The following NYAP2 variants were observed in gnomAD, a reference collection of about 807,000 sequenced individuals.
NYAP2 encodes neuronal tyrosine-phosphorylated phosphoinositide-3-kinase adaptor 2, also known as neuronal tyrosine-phosphorylated phosphoinositide-3-kinase adapter 2.
A neutral mutation model predicts 50.4 loss-of-function variants in NYAP2; 23 were observed. The ratio of observed to expected loss-of-function variants is 0.46; its 90% CI spans 0.33 to 0.65. The LOEUF (loss-of-function observed/expected upper bound fraction) is 0.65, where lower values mean the gene tolerates loss of function less well. Ranked by LOEUF, NYAP2 falls within the 30% of genes least tolerant of loss-of-function variation. The pLI is 0.02. For synonymous variants in NYAP2, 394 were observed against 365.2 expected, an observed-to-expected ratio of 1.08 and a Z score of -0.90; for missense variants, 885 against 861.0, an observed-to-expected ratio of 1.03 and a Z score of -0.35.
intron 4 of NYAP2, among the ~76,000 whole-genome samples, chr2:225,515,680 T>C (rs1432068891): frequency 6.6e-6 from 1 of 152,228 alleles, no homozygotes; most frequent in Non-Finnish European, 1.5e-5. Context: ...ATTTTAAATG[T>C]GGTTCATAGG....
the NYAP2 span, among the ~76,000 whole-genome samples, chr2:225,661,094 C>T: frequency 3.3e-5 from 5 of 152,130 alleles, no homozygotes; most frequent in Non-Finnish European, 7.4e-5. Flanking sequence ...TGGAAAAATT[C>T]CTTCTTGATT....
At chr2:225,666,905 T>C in the NYAP2 span, among the ~76,000 whole-genome samples, 4 of 140,488 alleles carry the variant, frequency 2.8e-5, no homozygotes, top group Non-Finnish European at 6.0e-5. Context: ...CATTTCAAAA[T>C]ACAGCAAAGA....
At chr2:225,604,170 G>A (rs1162740604) in intron 5 of NYAP2, among the ~76,000 whole-genome samples, 1 of 152,010 alleles carries the variant, frequency 6.6e-6, no homozygotes, top group Admixed American at 6.6e-5. Context: ...GAAGAAAAGA[G>A]GATGACAAGA....
At chr2:225,690,720 A>G in the NYAP2 span, among the ~76,000 whole-genome samples, 1 of 152,064 alleles carries the variant, frequency 6.6e-6, no homozygotes, top group Non-Finnish European at 1.5e-5. Flanking sequence ...GAATAGAGAA[A>G]TTTTCTAAAT....
At chr2:225,407,260 T>C (rs1426545225) in intron 2 of NYAP2, among the ~76,000 whole-genome samples, 1 of 152,072 alleles carries the variant, frequency 6.6e-6, no homozygotes, top group Non-Finnish European at 1.5e-5. Context: ...ATGTCCATCA[T>C]GTAAGCATCT....
At chr2:225,657,343 C>CTCGT (rs1693845379), downstream of NYAP2, among the ~76,000 whole-genome samples, 1 of 151,620 alleles carries the variant, frequency 6.6e-6, no homozygotes, top group Non-Finnish European at 1.5e-5. Flanking sequence ...AACTTCTGAC[C>CTCGT]TCGTGATCCA....
At chr2:225,649,968 A>G (rs557646128) in intron 6 of NYAP2, among the ~76,000 whole-genome samples, 5 of 152,202 alleles carry the variant, frequency 3.3e-5, no homozygotes, top group Non-Finnish European at 7.3e-5. Context: ...AAGTACAGAG[A>G]AAACACTATT....
At chr2:225,439,936 AG>A (rs1689444199) in intron 3 of NYAP2, among the ~76,000 whole-genome samples, 1 of 152,190 alleles carries the variant, frequency 6.6e-6, no homozygotes, top group South Asian at 2.1e-4. Flanking sequence ...AATCATGGGG[AG>A]GCACCTCTTC....
At chr2:225,633,324 A>C (rs1869604) in intron 6 of NYAP2, among the ~76,000 whole-genome samples, 5,430 of 152,290 alleles carry the variant, frequency 0.036, 132 homozygotes, top group Admixed American at 0.06. Flanking sequence ...GGGAAGGATC[A>C]GCTATATTAT....
At position 225,513,692 on chromosome 2, in the gene NYAP2, T is replaced by C; in HGVS notation, c.523+20T>C. ...CTGAAGGTAAAACACGCCATGTCCA[T>C]GTCACCTAGAAATCTCTTTCAGATA... On this transcript the variant is annotated intron_variant, in intron 4 of 6. Transcript: ENST00000636099. 6.7e-7 allele frequency: 1 copy of C among 1,487,216 alleles called. No individual in the cohort carries two copies. The allele number at this position is 1,487,216 out of a possible 1,614,324, so 92.1% of individuals were successfully genotyped here. A position where few individuals can be genotyped will look rare whatever the true frequency, so the allele number is the denominator to read the frequency against.
intron 1 of NYAP2, 103 bp downstream of exon 1, chr2:225,400,358 C>CAGGG (rs1262122915): frequency 2.6e-5 from 3 of 114,540 alleles, no homozygotes; most frequent in Admixed American, 9.6e-5. Context: ...GAGTCAGGGG[C>CAGGG]AGGGAGGGAG....
chr2:225,456,095 C>T (rs770738296), intron 3 of NYAP2, among the ~76,000 whole-genome samples: 1 of 152,188 alleles, frequency 6.6e-6, no homozygotes, highest in Admixed American at 6.5e-5. Context: ...TTTATTGCTG[C>T]AGTTCTCAGA....
At chr2:225,556,348 T>G (rs1407440825) in intron 4 of NYAP2, among the ~76,000 whole-genome samples, 11 of 152,214 alleles carry the variant, frequency 7.2e-5, no homozygotes, top group African/African-American at 2.7e-4. Flanking sequence ...ATGTTAAACA[T>G]ATTACATAGG....
intron 3 of NYAP2, among the ~76,000 whole-genome samples, chr2:225,454,360 A>C (rs1689702334): frequency 6.6e-6 from 1 of 152,160 alleles, no homozygotes; most frequent in South Asian, 2.1e-4. Flanking sequence ...AAAACAAAAA[A>C]CTTTAAAAAA....
intron 3 of NYAP2, among the ~76,000 whole-genome samples, chr2:225,433,003 G>C (rs1421622398): frequency 6.6e-6 from 1 of 152,114 alleles, no homozygotes. Context: ...ACTATGCCTA[G>C]CTGTAAGGGA....
At chr2:225,648,067 C>T (rs977885184) in intron 6 of NYAP2, among the ~76,000 whole-genome samples, 4 of 152,150 alleles carry the variant, frequency 2.6e-5, no homozygotes, top group African/African-American at 9.7e-5. Context: ...ATGGCATGGT[C>T]TTGGCTCAGT....
chr2:225,590,275 A>G (rs571171504), intron 5 of NYAP2, among the ~76,000 whole-genome samples: 1 of 152,286 alleles, frequency 6.6e-6, no homozygotes, highest in Admixed American at 6.5e-5. Context: ...TCAGGAGGGA[A>G]ATCAAGCCAG....
At chr2:225,488,212 G>A (rs1267877169) in intron 3 of NYAP2, among the ~76,000 whole-genome samples, 1 of 152,150 alleles carries the variant, frequency 6.6e-6, no homozygotes, top group Non-Finnish European at 1.5e-5. Flanking sequence ...AACATGCTTG[G>A]CAGCTTATGC....
At chr2:225,660,183 C>T in the NYAP2 span, among the ~76,000 whole-genome samples, 1 of 152,066 alleles carries the variant, frequency 6.6e-6, no homozygotes. Context: ...AAATTAGTTA[C>T]TAAGTTATTT....
Sources: allele counts gnomAD v4.1 joint callset (sites outside exome capture counted in the v4.1 genomes callset), GRCh38; gene constraint gnomAD v4.1.1; transcripts MANE v1.5; gene names NCBI Gene and HGNC (gene_info 2026-07-23, HGNC 2026-07-21).